The following SULT1B1 variants were observed in gnomAD, a reference collection of about 807,000 sequenced individuals.
SULT1B1 encodes sulfotransferase 1B1.
SULT1B1 carries 28 observed loss-of-function variants against 34.6 expected under a neutral mutation model. The ratio of observed to expected loss-of-function variants is 0.81; its 90% confidence interval spans 0.60 to 1.11. The LOEUF (loss-of-function observed/expected upper bound fraction) is 1.11, where lower values mean the gene tolerates loss of function less well. Ranked by LOEUF, SULT1B1 falls within the 50% of genes least tolerant of loss-of-function variation. SULT1B1 has a pLI of 0.00. For missense variants in SULT1B1, 374 were observed against 352.2 expected (o/e 1.06, Z -0.50); for synonymous variants, 147 against 110.2 (o/e 1.33, Z -2.09).
At chr4:69,743,125 G>A (rs1259435508) in intron 4 of SULT1B1, among the ~76,000 whole-genome samples, 1 of 152,210 alleles carries the variant, frequency 6.6e-6, no homozygotes, top group Non-Finnish European at 1.5e-5. Flanking sequence ...TGAGCAAGGT[G>A]TGTGTTTCAG....
intron 4 of SULT1B1, among the ~76,000 whole-genome samples, chr4:69,741,039 A>G (rs1718530370): frequency 6.6e-6 from 1 of 152,150 alleles, no homozygotes; most frequent in South Asian, 2.1e-4. Flanking sequence ...TCAAGTCTTT[A>G]ATCAATCTTC....
chr4:69,747,401 G>A (rs79409177), intron 4 of SULT1B1, among the ~76,000 whole-genome samples: 4,264 of 152,362 alleles, frequency 0.028, 94 homozygotes, highest in Non-Finnish European at 0.039. Flanking sequence ...GCGGCTGCTG[G>A]CAAGTGCTTC....
chr4:69,735,235 G>A (rs1442785538), intron 4 of SULT1B1, among the ~76,000 whole-genome samples: 2 of 152,108 alleles, frequency 1.3e-5, no homozygotes, highest in Admixed American at 1.3e-4. Context: ...GTTCCTCCTA[G>A]GTGTCCTTTT....
intron 3 of SULT1B1, among the ~76,000 whole-genome samples, chr4:69,750,919 G>T (rs997724656): frequency 3.3e-5 from 5 of 152,072 alleles, no homozygotes; most frequent in African/African-American, 1.2e-4. Flanking sequence ...CACAGGTTTG[G>T]CATACAGGAA....
At position 69,723,486 on chromosome 4, in the gene SULT1B1, A is replaced by G. The variant is rs994787550; in HGVS notation, c.*3602T>C. On this transcript the variant is annotated 3_prime_UTR_variant, in exon 8 of 8. Transcript: ENST00000310613. ...TACCATTCCTTCTGAAACTATTCCA[A>G]TGAACAGAAAAGGAGGGAATCCTCC... is the stretch of plus-strand genomic sequence containing the variant. 6.6e-6 allele frequency: 1 copy of G among 152,356 alleles called. No homozygotes were observed. Among genetic ancestry groups the G allele is most frequent in the African/African-American group, 2.4e-5 (1 of 41,458 alleles). The allele number at this position is 152,356 out of a possible 1,614,324, so 9.4% of individuals were successfully genotyped here. A position where few individuals can be genotyped will look rare whatever the true frequency, so the allele number is the denominator to read the frequency against.
chr4:69,756,955 TCACAGACACACACACACACA>T lies in SULT1B1; in HGVS notation c.-44-1714_-44-1695del, dbSNP rs1435227032. Among the ~76,000 whole-genome samples the T allele has an allele frequency of 3.7e-5, 5 of 136,808 alleles. No homozygotes were observed. In the South Asian group the frequency reaches 7.5e-4, roughly 21 times the overall value. 89.8% of individuals were successfully genotyped at this position (136,808 alleles called of 152,430 possible). On this transcript the variant is annotated intron_variant, in intron 1 of 7. Transcript: ENST00000310613. ...ATTTTAATCTCATCTGAAAACACCC[TCACAGACACACACACACACA>T]CACAGACACACACACACACACACAA...
chr4:69,758,939 T>A (rs1344097453), intron 1 of SULT1B1, among the ~76,000 whole-genome samples: 1 of 152,254 alleles, frequency 6.6e-6, no homozygotes, highest in African/African-American at 2.4e-5. Flanking sequence ...GTTGGAAATG[T>A]GGAATCTCAG....
chr4:69,735,392 T>G (rs1360536195), intron 4 of SULT1B1, among the ~76,000 whole-genome samples: 13 of 152,204 alleles, frequency 8.5e-5, no homozygotes, highest in Non-Finnish European at 1.2e-4. Context: ...AGAGACATAG[T>G]GGAGAATTCC....
chr4:69,758,416 T>A, intron 1 of SULT1B1: 1 of 985,316 alleles, frequency 1.0e-6, no homozygotes, highest in Non-Finnish European at 1.2e-6. Context: ...GATTTCCACA[T>A]GATGAATGAA....
At chr4:69,737,669 G>A (rs1266727575) in intron 4 of SULT1B1, among the ~76,000 whole-genome samples, 1 of 151,784 alleles carries the variant, frequency 6.6e-6, no homozygotes, top group Non-Finnish European at 1.5e-5. Flanking sequence ...GTATATTTAT[G>A]GCAATAGCTA....
chr4:69,743,812 G>A lies in SULT1B1; in HGVS notation c.375+5909C>T, dbSNP rs150812171. Among the ~76,000 whole-genome samples the A allele has an allele frequency of 1.3e-3, 205 of 152,310 alleles. 4 individuals carry two copies. Among genetic ancestry groups the A allele is most frequent in the African/African-American group, 4.6e-3 (193 of 41,564 alleles). ...ATGATCCGAGATTGGAGTGTGTTCCGCGAGCGGGTAGTGGCCAGATAGTGG... is the reference window on the plus strand; with the variant it reads ...ATGATCCGAGATTGGAGTGTGTTCCACGAGCGGGTAGTGGCCAGATAGTGG... On this transcript the variant is annotated intron_variant, in intron 4 of 7. Coordinates refer to ENST00000310613, the MANE Select transcript of SULT1B1 (RefSeq NM_014465.4).
At chr4:69,756,534 T>C (rs116768092) in intron 1 of SULT1B1, among the ~76,000 whole-genome samples, 4,245 of 152,236 alleles carry the variant, frequency 0.028, 207 homozygotes, top group African/African-American at 0.096. Flanking sequence ...ACAAAAAGGG[T>C]GATGCTCCTA....
At chr4:69,756,364 A>G (rs1416165413) in intron 1 of SULT1B1, among the ~76,000 whole-genome samples, 1 of 152,002 alleles carries the variant, frequency 6.6e-6, no homozygotes, top group Non-Finnish European at 1.5e-5. Flanking sequence ...TTTTGTGTCA[A>G]CCTGACTGTG....
intron 3 of SULT1B1, among the ~76,000 whole-genome samples, chr4:69,750,652 T>G (rs1718944163): frequency 6.6e-6 from 1 of 152,236 alleles, no homozygotes; most frequent in Admixed American, 6.5e-5. Context: ...TCACTGCATA[T>G]GCTAAGAAGT....
rs977130689 is a variant in SULT1B1 at position 69,733,476 on chromosome 4, T to C, written c.534A>G (p.Lys178=). The C allele has an allele frequency of 7.5e-6, 12 of 1,608,000 alleles. No individual in the cohort carries two copies. Among genetic ancestry groups the C allele is most frequent in the Non-Finnish European group, 1.0e-5 (12 of 1,177,854 alleles). The change falls in exon 6 of 8, where the codon AAA becomes AAG. Residue 178 remains lysine, a synonymous_variant. Transcript: ENST00000310613. ...GTTCTTCCTTTTTCTTCCACCAGTTTTTAACATGAGTAAACCAGGAACCAT... is the reference window on the plus strand; with the variant it reads ...GTTCTTCCTTTTTCTTCCACCAGTTCTTAACATGAGTAAACCAGGAACCAT... ...VAYGSWFTHV[K]NWWKKKEEHP...
chr4:69,752,843 C>G (rs1255746527), intron 3 of SULT1B1, among the ~76,000 whole-genome samples: 1 of 152,236 alleles, frequency 6.6e-6, no homozygotes, highest in East Asian at 1.9e-4. Context: ...AGGATTCCAG[C>G]AGCATTTGAA....
At position 69,753,124 on chromosome 4, in the gene SULT1B1, A is replaced by G. The variant is rs146578335; in HGVS notation, c.277+1546T>C. On this transcript the variant is annotated intron_variant, in intron 3 of 7. Transcript: ENST00000310613. The stretch of plus-strand genomic sequence containing the variant: ...ACAAGCTCCAAATACCATCATTTTA[A>G]TTCATTATAATTTTCTCCAATGTCA... 5.1e-3 allele frequency among the ~76,000 whole-genome samples: 781 copies of G among 152,280 alleles called. 4 individuals carry two copies. Among genetic ancestry groups the G allele is most frequent in the Non-Finnish European group, 8.3e-3 (567 of 68,018 alleles).
At position 69,748,408 on chromosome 4, in the gene SULT1B1, A is replaced by G. The variant is rs145474560; in HGVS notation, c.375+1313T>C. Among the ~76,000 whole-genome samples, 29 of 152,356 alleles carry G rather than the reference A, an allele frequency of 1.9e-4. No homozygotes were observed. The East Asian group carries it at 5.4e-3, about 28-fold the overall frequency. On this transcript the variant is annotated intron_variant, in intron 4 of 7. Coordinates refer to ENST00000310613, the MANE Select transcript of SULT1B1 (RefSeq NM_014465.4). ...CAGTAAAGCTGAAGTAAGAATAGAC[A>G]CATCATTAGTCATAGTTGAGCATGT...
At chr4:69,740,804 C>T (rs375896047) in intron 4 of SULT1B1, among the ~76,000 whole-genome samples, 1 of 152,002 alleles carries the variant, frequency 6.6e-6, no homozygotes, top group Non-Finnish European at 1.5e-5. Context: ...GATTTAAGTT[C>T]TTTATAATTC....
Sources: allele counts gnomAD v4.1 joint callset (sites outside exome capture counted in the v4.1 genomes callset), GRCh38; gene constraint gnomAD v4.1.1; transcripts MANE v1.5; gene names NCBI Gene and HGNC (gene_info 2026-07-23, HGNC 2026-07-21).